DLG2: variants seen among roughly 807,000 people sequenced by gnomAD.
DLG2 encodes the protein disks large homolog 2.
In DLG2, 45 loss-of-function variants were observed where a neutral mutation model predicts 132.5. That is an observed-to-expected ratio of 0.34 (90% confidence interval 0.27 to 0.44). The LOEUF is 0.44. Among genes scored for constraint, DLG2 ranks in the 20% least tolerant of loss-of-function variants. The pLI, the probability that DLG2 is intolerant of heterozygous loss-of-function variation, is 1.00. For missense variants in DLG2, 1,045 were observed against 1,196.9 expected (o/e 0.87, Z 1.87); for synonymous variants, 424 against 419.6 (o/e 1.01, Z -0.13).
intron 3 of DLG2, among the ~76,000 whole-genome samples, chr11:85,396,617 A>T (rs1266204926): frequency 1.3e-5 from 2 of 152,226 alleles, no homozygotes; most frequent in Non-Finnish European, 2.9e-5. Flanking sequence ...CAGCACGAGC[A>T]CTTCGCGATG....
chr11:84,304,305 A>T (rs1472735161), intron 7 of DLG2, among the ~76,000 whole-genome samples: 1 of 152,204 alleles, frequency 6.6e-6, no homozygotes, highest in Non-Finnish European at 1.5e-5. Context: ...CTAATCAGGG[A>T]GACTGAGAAG....
At chr11:85,322,245 T>G (rs2081126025) in intron 3 of DLG2, among the ~76,000 whole-genome samples, 1 of 152,074 alleles carries the variant, frequency 6.6e-6, no homozygotes, top group African/African-American at 2.4e-5. Context: ...CCCCTTTCCG[T>G]GTAAATTTTC....
intron 6 of DLG2, among the ~76,000 whole-genome samples, chr11:84,697,224 C>T (rs762849269): frequency 7.3e-5 from 11 of 151,456 alleles, no homozygotes; most frequent in Non-Finnish European, 1.3e-4. Context: ...GAACATAGTA[C>T]TGTTTTCTGT....
chr11:83,850,344 G>A (rs542347552), intron 16 of DLG2, among the ~76,000 whole-genome samples: 1 of 152,166 alleles, frequency 6.6e-6, no homozygotes, highest in Admixed American at 6.5e-5. Flanking sequence ...TAGTAGAGAT[G>A]GGGTTTCACC....
chr11:84,709,543 G>T (rs1446767021), intron 6 of DLG2, among the ~76,000 whole-genome samples: 1 of 151,908 alleles, frequency 6.6e-6, no homozygotes, highest in East Asian at 1.9e-4. Flanking sequence ...GCTCAGAGAA[G>T]TGAAAGAGCT....
intron 3 of DLG2, among the ~76,000 whole-genome samples, chr11:85,343,421 G>A (rs1189819766): frequency 6.6e-6 from 1 of 152,086 alleles, no homozygotes; most frequent in Non-Finnish European, 1.5e-5. Context: ...GTCCAGGATT[G>A]TGACCTGTTC....
At chr11:84,330,022 T>C (rs1429224759) in intron 7 of DLG2, among the ~76,000 whole-genome samples, 2 of 151,958 alleles carry the variant, frequency 1.3e-5, no homozygotes, top group Admixed American at 1.3e-4. Flanking sequence ...ACCAATCTCA[T>C]AGAATTGTTG....
intron 7 of DLG2, among the ~76,000 whole-genome samples, chr11:84,448,101 T>A (rs185986872): frequency 1.3e-5 from 2 of 152,254 alleles, no homozygotes; most frequent in Admixed American, 1.3e-4. Context: ...TAAATTCACA[T>A]GCTCTTCCAA....
intron 11 of DLG2, among the ~76,000 whole-genome samples, chr11:83,998,544 ACTC>A (rs930138741): frequency 3.9e-5 from 6 of 152,120 alleles, no homozygotes; most frequent in African/African-American, 1.4e-4. Flanking sequence ...GAGATGAGAG[ACTC>A]CTCAATATGG....
At chr11:83,855,824 G>C (rs2060449995) in intron 16 of DLG2, among the ~76,000 whole-genome samples, 1 of 151,970 alleles carries the variant, frequency 6.6e-6, no homozygotes, top group Non-Finnish European at 1.5e-5. Flanking sequence ...GGGTGACAGA[G>C]ACTCTGTCTC....
intron 7 of DLG2, among the ~76,000 whole-genome samples, chr11:84,453,703 C>T (rs763101504): frequency 1.5e-4 from 22 of 151,576 alleles, no homozygotes; most frequent in Non-Finnish European, 2.7e-4. Context: ...CCATTTTACA[C>T]GTAAGTAAAC....
At chr11:84,547,089 C>A (rs1233469282) in intron 6 of DLG2, among the ~76,000 whole-genome samples, 1 of 152,102 alleles carries the variant, frequency 6.6e-6, no homozygotes, top group African/African-American at 2.4e-5. Flanking sequence ...GGAATAGCAA[C>A]TACCTCACAA....
chr11:85,440,923 C>T, intron 3 of DLG2, among the ~76,000 whole-genome samples: 1 of 152,146 alleles, frequency 6.6e-6, no homozygotes, highest in East Asian at 1.9e-4. Context: ...AAATAGACTT[C>T]CTCTGAGAAG....
At chr11:85,146,984 T>C (rs2076905191) in intron 5 of DLG2, among the ~76,000 whole-genome samples, 1 of 152,208 alleles carries the variant, frequency 6.6e-6, no homozygotes, top group Non-Finnish European at 1.5e-5. Flanking sequence ...CCCTATGTTG[T>C]ATTCTGCTGT....
intron 3 of DLG2, among the ~76,000 whole-genome samples, chr11:85,522,633 G>C (rs1233050972): frequency 1.3e-5 from 2 of 152,196 alleles, no homozygotes; most frequent in African/African-American, 4.8e-5. Context: ...GGCCATGGGA[G>C]CCCACCGTTT....
intron 26 of DLG2, among the ~76,000 whole-genome samples, chr11:83,464,324 A>G (rs1344958030): frequency 6.6e-6 from 1 of 152,180 alleles, no homozygotes; most frequent in East Asian, 1.9e-4. Context: ...CTTGAGAAAT[A>G]ATGTGTGTGA....
At position 85,536,480 on chromosome 11, in the gene DLG2, G is replaced by C. The variant is rs190539505; in HGVS notation, c.40+62177C>G. Among the ~76,000 whole-genome samples, 21 of 152,288 alleles carry C rather than the reference G, an allele frequency of 1.4e-4. 1 individual carries two copies. The highest frequency in any genetic ancestry group is 4.1e-4 in the African/African-American group (17 of 41,578). On this transcript the variant is annotated intron_variant, in intron 3 of 27. Transcript: ENST00000376104. ...GACAACGTGCTAGCAGCCCTCACTC[G>C]CTCTTGGGGCCTCCTTGGCCTTGGC...
chr11:84,225,715 C>A (rs1487262568), intron 8 of DLG2, among the ~76,000 whole-genome samples: 3 of 152,024 alleles, frequency 2.0e-5, no homozygotes, highest in Non-Finnish European at 4.4e-5. Flanking sequence ...TTATGCATTC[C>A]ATACCATTAA....
At chr11:85,423,614 G>C (rs1268810729) in intron 3 of DLG2, among the ~76,000 whole-genome samples, 1 of 152,074 alleles carries the variant, frequency 6.6e-6, no homozygotes, top group Non-Finnish European at 1.5e-5. Context: ...CAGCTGCTGT[G>C]GGGGATGGGG....
Sources: gnomAD v4.1 joint callset for allele counts (sites outside exome capture counted in the v4.1 genomes callset) on GRCh38, gnomAD v4.1.1 for gene constraint, MANE v1.5 for transcripts, NCBI Gene and HGNC (gene_info 2026-07-23, HGNC 2026-07-21) for gene names.